The following PTPRT variants were observed in gnomAD, a reference collection of about 807,000 sequenced individuals.
PTPRT encodes the protein protein tyrosine phosphatase receptor type T, also known as receptor-type tyrosine-protein phosphatase T.
Under a neutral mutation model 176.8 loss-of-function variants are expected in PTPRT, and 56 were observed. That is an observed-to-expected ratio of 0.32 (90% confidence interval 0.26 to 0.40). The LOEUF (loss-of-function observed/expected upper bound fraction) is 0.40, where lower values mean the gene tolerates loss of function less well. Ranked by LOEUF, PTPRT falls within the 10% of genes least tolerant of loss-of-function variation. The pLI is 1.00. For synonymous variants in PTPRT, 783 were observed against 739.0 expected (o/e 1.06, Z -0.96); for missense variants, 1,540 against 1,908.2 (o/e 0.81, Z 3.60).
At chr20:42,350,865 C>A (rs1206212885) in intron 10 of PTPRT, 135 bp from the exon 11 acceptor site, 2 of 647,836 alleles carry the variant, frequency 3.1e-6, no homozygotes, top group African/African-American at 1.8e-5. Flanking sequence ...GATAAGAAGC[C>A]TTCCAGGCCT....
intron 2 of PTPRT, among the ~76,000 whole-genome samples, chr20:42,874,100 C>A (rs776536615): frequency 8.5e-5 from 13 of 152,154 alleles, no homozygotes; most frequent in Non-Finnish European, 1.5e-5. Context: ...GAAGACATCG[C>A]CTAGCATCAG....
At chr20:42,692,015 A>G (rs1333751749) in intron 6 of PTPRT, among the ~76,000 whole-genome samples, 1 of 152,234 alleles carries the variant, frequency 6.6e-6, no homozygotes, top group Non-Finnish European at 1.5e-5. Context: ...TCAATGACAT[A>G]TACAGTGATT....
chr20:42,033,884 G>C, the PTPRT span, among the ~76,000 whole-genome samples: 1 of 152,218 alleles, frequency 6.6e-6, no homozygotes, highest in African/African-American at 2.4e-5. Context: ...ACCTTTCTCT[G>C]TTGCTGACTA....
chr20:42,258,180 G>A (rs531970318), intron 13 of PTPRT, among the ~76,000 whole-genome samples: 5 of 152,182 alleles, frequency 3.3e-5, no homozygotes, highest in East Asian at 1.9e-4. Flanking sequence ...TGTCTCTGCC[G>A]GGTTTGCCAC....
intron 15 of PTPRT, among the ~76,000 whole-genome samples, chr20:42,226,658 C>G (rs1376382062): frequency 6.6e-6 from 1 of 152,164 alleles, no homozygotes; most frequent in East Asian, 1.9e-4. Flanking sequence ...GAGTCCTTCC[C>G]ATTTGGGGGA....
At chr20:43,085,362 C>CA (rs142471030) in intron 1 of PTPRT, among the ~76,000 whole-genome samples, 3,008 of 152,194 alleles carry the variant, frequency 0.02, 64 homozygotes, top group East Asian at 0.076. Context: ...CACCCCATCA[C>CA]AAAAAACTGT....
At chr20:42,645,811 G>T (rs1393844341) in intron 7 of PTPRT, among the ~76,000 whole-genome samples, 1 of 142,178 alleles carries the variant, frequency 7.0e-6, no homozygotes, top group Non-Finnish European at 1.5e-5. Context: ...TGTAGGGAGG[G>T]GTGACAGAGA....
chr20:42,488,523 G>T (rs1426759525), intron 7 of PTPRT, among the ~76,000 whole-genome samples: 1 of 151,900 alleles, frequency 6.6e-6, no homozygotes, highest in Non-Finnish European at 1.5e-5. Context: ...ATATTTTTCA[G>T]CCTTTTGGAT....
chr20:42,432,194 C>A (rs1160620555), intron 9 of PTPRT, among the ~76,000 whole-genome samples: 2 of 152,190 alleles, frequency 1.3e-5, no homozygotes, highest in Non-Finnish European at 2.9e-5. Context: ...CTAAGCCTCA[C>A]TTAGGACTTG....
At chr20:42,950,792 G>T (rs969657844) in intron 1 of PTPRT, among the ~76,000 whole-genome samples, 1 of 152,166 alleles carries the variant, frequency 6.6e-6, no homozygotes, top group African/African-American at 2.4e-5. Flanking sequence ...TGGCTTTCTA[G>T]CAGGCAAGGA....
intron 2 of PTPRT, among the ~76,000 whole-genome samples, chr20:42,884,091 G>C (rs1342443577): frequency 2.6e-5 from 4 of 152,066 alleles, no homozygotes; most frequent in African/African-American, 4.8e-5. Context: ...TTGGATTCTT[G>C]GGGTCCCTAA....
rs138926963 is a variant in PTPRT, at chr20:42,740,703, G to A, written c.859+15759C>T. ...AGTGGGGGAAGAACTGGCAAGTGGG[G>A]CTGGCAGAAATGAGCTGTGCAAACA... On this transcript the variant is annotated intron_variant, in intron 6 of 30. Transcript: ENST00000373187. Among the ~76,000 whole-genome samples, 34 of 152,260 alleles carry A rather than the reference G, an allele frequency of 2.2e-4. No homozygotes were observed. The East Asian group carries it at 4.6e-3, about 21-fold the overall frequency.
Position 43,184,747 on chromosome 20 carries a change from G to A in PTPRT, c.88+4899C>T, listed in dbSNP as rs578190155. Among the ~76,000 whole-genome samples the A allele has an allele frequency of 9.9e-5, 15 of 150,890 alleles. No homozygotes were observed. The South Asian group carries it at 2.5e-3, about 25-fold the overall frequency. ...TCACTGACACCTCTTTCCCTGTCCC[G>A]CTGTATTGACACATCGATTCCCATT... On this transcript the variant is annotated intron_variant, in intron 1 of 30. Transcript: ENST00000373187.
intron 15 of PTPRT, among the ~76,000 whole-genome samples, chr20:42,215,927 G>A (rs1278357767): frequency 6.6e-6 from 1 of 152,148 alleles, no homozygotes; most frequent in African/African-American, 2.4e-5. Context: ...TCTGTCTCCT[G>A]AAGGCCTCAC....
At chr20:43,045,326 C>T (rs757257226) in intron 1 of PTPRT, among the ~76,000 whole-genome samples, 11 of 152,118 alleles carry the variant, frequency 7.2e-5, no homozygotes, top group Non-Finnish European at 1.5e-4. Flanking sequence ...CCTCCATGGG[C>T]GGATCAGATA....
intron 7 of PTPRT, among the ~76,000 whole-genome samples, chr20:42,560,829 C>T (rs1399803568): frequency 6.6e-6 from 1 of 152,182 alleles, no homozygotes; most frequent in Non-Finnish European, 1.5e-5. Flanking sequence ...TGGAAGGAAA[C>T]ACTTCTAGGT....
At chr20:42,046,503 C>T in the PTPRT span, among the ~76,000 whole-genome samples, 2 of 152,200 alleles carry the variant, frequency 1.3e-5, no homozygotes, top group Non-Finnish European at 2.9e-5. Flanking sequence ...CTGACATTAA[C>T]CCCAGGGCAG....
At chr20:42,874,591 G>C (rs987570338) in intron 2 of PTPRT, among the ~76,000 whole-genome samples, 1 of 152,128 alleles carries the variant, frequency 6.6e-6, no homozygotes, top group South Asian at 2.1e-4. Flanking sequence ...TTGAAAAATA[G>C]AGAGTGGTTC....
chr20:42,672,988 A>G (rs914353483), intron 7 of PTPRT, among the ~76,000 whole-genome samples: 9 of 152,212 alleles, frequency 5.9e-5, no homozygotes, highest in African/African-American at 2.2e-4. Context: ...GACTAAGTAA[A>G]TGTTTGATAG....
Sources: gnomAD v4.1 joint callset for allele counts (sites outside exome capture counted in the v4.1 genomes callset) on GRCh38, gnomAD v4.1.1 for gene constraint, MANE v1.5 for transcripts, NCBI Gene and HGNC (gene_info 2026-07-23, HGNC 2026-07-21) for gene names.